The following CAMTA1 variants were observed in gnomAD, a reference collection of about 807,000 sequenced individuals.
The protein encoded by CAMTA1 is calmodulin binding transcription activator 1.
Under a neutral mutation model 170.9 loss-of-function variants are expected in CAMTA1, and 27 were observed. The ratio of observed to expected loss-of-function variants is 0.16; its 90% CI spans 0.12 to 0.22. The LOEUF (loss-of-function observed/expected upper bound fraction) is 0.22. CAMTA1 is among the 10% of genes least tolerant of loss of function. The pLI, the probability that CAMTA1 is intolerant of heterozygous loss-of-function variation, is 1.00. For missense variants in CAMTA1, 1,619 were observed against 2,217.2 expected, an observed-to-expected ratio of 0.73 and a Z score of 5.42; for synonymous variants, 833 against 891.5, an observed-to-expected ratio of 0.93 and a Z score of 1.17.
At chr1:6,953,557 C>T (rs571178481) in intron 3 of CAMTA1, among the ~76,000 whole-genome samples, 17 of 152,332 alleles carry the variant, frequency 1.1e-4, no homozygotes, top group African/African-American at 2.9e-4. Context: ...GCCCAGGCCC[C>T]GCAGGGAGCC....
intron 11 of CAMTA1, among the ~76,000 whole-genome samples, chr1:7,704,321 C>T (rs997714305): frequency 6.9e-5 from 10 of 145,340 alleles, no homozygotes; most frequent in African/African-American, 2.2e-4. Flanking sequence ...CGCGGGGCTC[C>T]GGGGGCCGTC....
intron 8 of CAMTA1, among the ~76,000 whole-genome samples, chr1:7,662,097 C>G (rs1169980479): frequency 1.3e-5 from 2 of 152,208 alleles, no homozygotes; most frequent in Non-Finnish European, 2.9e-5. Context: ...GGAGCAGTGT[C>G]CAGAGGGACA....
In CAMTA1 at chr1:6,904,868, C is replaced by A. The variant is rs1678023073; in HGVS notation, c.234+79658C>A. Among the ~76,000 whole-genome samples the A allele has an allele frequency of 4.0e-5, 6 of 149,784 alleles. No homozygotes were observed. In the Admixed American group the frequency reaches 4.1e-4, roughly 10 times the overall value. ...TCAGCCTTCCAAACTGCTGGGATTA[C>A]AGGCGTGAGCCGCCACACCTGGCCT... On this transcript the variant is annotated intron_variant, in intron 3 of 22. Transcript: ENST00000303635.
chr1:7,760,994 T>C (rs2096970815), intron 22 of CAMTA1, among the ~76,000 whole-genome samples: 1 of 152,248 alleles, frequency 6.6e-6, no homozygotes, highest in Non-Finnish European at 1.5e-5. Flanking sequence ...GATTCATAAA[T>C]GATCATTGGA....
At chr1:7,643,174 A>T (rs2095778324) in intron 7 of CAMTA1, among the ~76,000 whole-genome samples, 5 of 149,944 alleles carry the variant, frequency 3.3e-5, no homozygotes, top group African/African-American at 1.0e-4. Context: ...AGTCAGGAGG[A>T]GGAGTTGCCT....
At chr1:7,242,771 A>AAAATAAATAAATAAATAAAT (rs199861423) in intron 4 of CAMTA1, among the ~76,000 whole-genome samples, 47 of 145,558 alleles carry the variant, frequency 3.2e-4, no homozygotes, top group African/African-American at 1.1e-3. Context: ...TACTGAAAAT[A>AAAATAAATAAATAAATAAAT]AAATAAATAA....
At chr1:7,499,837 T>C (rs1329431739) in intron 6 of CAMTA1, among the ~76,000 whole-genome samples, 2 of 141,718 alleles carry the variant, frequency 1.4e-5, no homozygotes, top group African/African-American at 5.4e-5. Flanking sequence ...TATGTATGTG[T>C]GTGTGCATGT....
In CAMTA1 at chr1:7,224,439, G is replaced by T. The variant is rs1389216729; in HGVS notation, c.303-25052G>T. Among the ~76,000 whole-genome samples, 1 of 152,170 alleles carries T rather than the reference G, an allele frequency of 6.6e-6. No individual in the cohort carries two copies. The highest frequency in any genetic ancestry group is 1.9e-4 in the East Asian group (1 of 5,192). ...GAAAAACCAGCAGCTGGCTGAATCTGAGAAGGTTTTCATGTTCCCAACGAG... is the reference window on the plus strand; with the variant it reads ...GAAAAACCAGCAGCTGGCTGAATCTTAGAAGGTTTTCATGTTCCCAACGAG... On this transcript the variant is annotated intron_variant, in intron 4 of 22. Coordinates refer to ENST00000303635, the MANE Select transcript of CAMTA1 (RefSeq NM_015215.4). This position sits in a 1 kb window ranked among gnomAD's most constrained non-coding sequence, Gnocchi z 5.2.
chr1:7,384,891 G>A (rs941085401), intron 5 of CAMTA1, among the ~76,000 whole-genome samples: 5 of 152,022 alleles, frequency 3.3e-5, no homozygotes, highest in South Asian at 2.1e-4. Context: ...CCCTGTACCC[G>A]TCAGCGCCAC....
In CAMTA1 at chr1:7,498,926, T is replaced by A. The variant is rs111203656; in HGVS notation, c.510+31025T>A. ...TGGTGTGAGTGCGTATGTATATGAG[T>A]GTGTGTGTGCATGTGTGTCCATGAG... is the stretch of plus-strand genomic sequence containing the variant. On this transcript the variant is annotated intron_variant, in intron 6 of 22. Coordinates refer to ENST00000303635, the MANE Select transcript of CAMTA1 (RefSeq NM_015215.4). Among the ~76,000 whole-genome samples the A allele has an allele frequency of 1.2e-4, 3 of 24,700 alleles. No individual in the cohort carries two copies. In the African/African-American group the frequency reaches 1.6e-3, roughly 13 times the overall value. The allele number at this position is 24,700 out of a possible 152,430, so 16.2% of individuals were successfully genotyped here. A position where few individuals can be genotyped will look rare whatever the true frequency, so the allele number is the denominator to read the frequency against.
At chr1:7,636,982 G>A (rs916056097) in intron 6 of CAMTA1, among the ~76,000 whole-genome samples, 3 of 152,230 alleles carry the variant, frequency 2.0e-5, no homozygotes, top group African/African-American at 7.2e-5. Context: ...AGGGAATCAG[G>A]GAAGGCTTCC....
At chr1:6,875,324 G>A (rs976907692) in intron 3 of CAMTA1, among the ~76,000 whole-genome samples, 5 of 151,950 alleles carry the variant, frequency 3.3e-5, no homozygotes, top group Non-Finnish European at 5.9e-5. Context: ...ATGGAGTCTC[G>A]CACTGTCACC....
At chr1:7,647,278 A>AGGG (rs34963142) in intron 7 of CAMTA1, among the ~76,000 whole-genome samples, 32 of 146,106 alleles carry the variant, frequency 2.2e-4, no homozygotes, top group South Asian at 1.8e-3. Flanking sequence ...AAGATCCAGA[A>AGGG]GGGGGGGGGG....
At chr1:7,675,418 T>C (rs770973826) in intron 10 of CAMTA1, among the ~76,000 whole-genome samples, 1 of 152,194 alleles carries the variant, frequency 6.6e-6, no homozygotes, top group Non-Finnish European at 1.5e-5. Context: ...ATCTAAATGA[T>C]GTCTTTAAAG....
chr1:7,661,924 C>A, intron 8 of CAMTA1, 58 bp downstream of exon 8: 1 of 1,541,022 alleles, frequency 6.5e-7, no homozygotes, highest in Non-Finnish European at 8.8e-7. Context: ...CCCTACCAGG[C>A]AGCCGTCATG....
intron 3 of CAMTA1, among the ~76,000 whole-genome samples, chr1:6,830,076 G>A (rs1382186517): frequency 2.7e-5 from 4 of 148,762 alleles, no homozygotes; most frequent in African/African-American, 5.0e-5. Flanking sequence ...TCGCTCTGTC[G>A]CCCAGGCTGG....
At chr1:7,312,904 T>A (rs1013220926) in intron 5 of CAMTA1, among the ~76,000 whole-genome samples, 2 of 152,266 alleles carry the variant, frequency 1.3e-5, no homozygotes, top group East Asian at 3.8e-4. Context: ...TTTGAAGTTG[T>A]GGTAGTGTTT....
Position 7,293,210 on chromosome 1 carries a change from G to C in CAMTA1, c.438+43584G>C, listed in dbSNP as rs972104559. Among the ~76,000 whole-genome samples the C allele has an allele frequency of 6.6e-6, 1 of 152,212 alleles. No individual in the cohort carries two copies. Among genetic ancestry groups the C allele is most frequent in the Non-Finnish European group, 1.5e-5 (1 of 68,044 alleles). Reference sequence around the variant, plus strand: ...CGCTGCAGAAGCTGGGGCTGGTAAAGGCTGGGGAGCAAATGCAGACCTTGT... The same window carrying C: ...CGCTGCAGAAGCTGGGGCTGGTAAACGCTGGGGAGCAAATGCAGACCTTGT... On this transcript the variant is annotated intron_variant, in intron 5 of 22. Coordinates refer to ENST00000303635, the MANE Select transcript of CAMTA1 (RefSeq NM_015215.4). The surrounding 1 kb of genome is among the most constrained non-coding windows in gnomAD (Gnocchi z 4.1).
rs2095510595 is a variant in CAMTA1 at position 7,609,707 on chromosome 1, C to T, written c.511-30693C>T. ...CCCTGGACCCCAGATCTCTTCCACC[C>T]ACAGGTGGTGTGACCTTGAGCAGGT... On this transcript the variant is annotated intron_variant, in intron 6 of 22. Transcript: ENST00000303635. The surrounding 1 kb of genome is among the most constrained non-coding windows in gnomAD (Gnocchi z 4.4). Among the ~76,000 whole-genome samples, 1 of 152,214 alleles carries T rather than the reference C, an allele frequency of 6.6e-6. No homozygotes were observed. Among genetic ancestry groups the T allele is most frequent in the African/African-American group, 2.4e-5 (1 of 41,454 alleles).
Sources: gnomAD v4.1 joint callset for allele counts (sites outside exome capture counted in the v4.1 genomes callset) on GRCh38, gnomAD v4.1.1 for gene constraint, Gnocchi (gnomAD v3.1) non-coding constraint, MANE v1.5 for transcripts, NCBI Gene and HGNC (gene_info 2026-07-23, HGNC 2026-07-21) for gene names.